Variants in POLI observed in about 807,000 individuals in gnomAD.
POLI encodes RAD30 homolog B.
A neutral mutation model predicts 51.6 loss-of-function variants in POLI; 58 were observed. That is an observed-to-expected ratio of 1.12 (90% confidence interval 0.91 to 1.40). The LOEUF (loss-of-function observed/expected upper bound fraction) is 1.40. Among genes scored for constraint, POLI ranks in the 40% most tolerant of loss-of-function variants. The pLI, the probability that POLI is intolerant of heterozygous loss-of-function variation, is 0.00. For synonymous variants in POLI, 322 were observed against 299.7 expected (o/e 1.07, Z -0.77); for missense variants, 921 against 871.3 (o/e 1.06, Z -0.72).
chr18:54,319,709 C>T (rs1234333692), intron 3 of POLI, among the ~76,000 whole-genome samples: 1 of 152,000 alleles, frequency 6.6e-6, no homozygotes, highest in South Asian at 2.1e-4. Flanking sequence ...ATCGAAGTGA[C>T]AAAATACCAT....
At chr18:54,314,664 G>C (rs2144650561) in intron 3 of POLI, among the ~76,000 whole-genome samples, 1 of 152,160 alleles carries the variant, frequency 6.6e-6, no homozygotes, top group East Asian at 1.9e-4. Flanking sequence ...TCAGTTCAGG[G>C]TTTCAGTTTC....
rs3218780 is a variant in POLI, at chr18:54,284,054, A to G, written c.1067+41A>G. ...TTTTGCCAAGTCATCCTATGTATTC[A>G]TTCTATATACGGTATGTGGAAAGAA... On this transcript the variant is annotated intron_variant, in intron 7 of 9. Transcript: ENST00000579534. 1.6e-4 allele frequency: 120 copies of G among 741,642 alleles called. No individual in the cohort carries two copies. The African/African-American group carries it at 2.0e-3, about 12-fold the overall frequency. 45.9% of individuals were successfully genotyped at this position (741,642 alleles called of 1,614,324 possible).
At position 54,295,203 on chromosome 18, in the gene POLI, A is replaced by C; in HGVS notation, c.*736A>C. Reference sequence around the variant, plus strand: ...AGAAAGGCAAGGTGATGGGCCTATAAGCATACTGGATAATGGAAGAAGTCC... The same window carrying C: ...AGAAAGGCAAGGTGATGGGCCTATACGCATACTGGATAATGGAAGAAGTCC... On this transcript the variant is annotated 3_prime_UTR_variant, in exon 10 of 10. Coordinates refer to ENST00000579534, the MANE Select transcript of POLI (RefSeq NM_007195.3). 1 of 985,448 alleles carries C rather than the reference A, an allele frequency of 1.0e-6. No individual in the cohort carries two copies. Among genetic ancestry groups the C allele is most frequent in the Non-Finnish European group, 1.2e-6 (1 of 829,938 alleles). 61.0% of individuals were successfully genotyped at this position (985,448 alleles called of 1,614,324 possible). A position where few individuals can be genotyped will look rare whatever the true frequency, so the allele number is the denominator to read the frequency against.
intron 3 of POLI, among the ~76,000 whole-genome samples, chr18:54,312,119 A>G (rs1360780161): frequency 6.6e-6 from 1 of 151,878 alleles, no homozygotes; most frequent in Admixed American, 6.6e-5. Flanking sequence ...TCTCCCTTAT[A>G]TTCCCCCCCA....
chr18:54,287,366 C>T lies in POLI; in HGVS notation c.1153C>T (p.Arg385Cys), dbSNP rs371876172. 94 of 1,603,784 alleles carry T rather than the reference C, an allele frequency of 5.9e-5. No homozygotes were observed. Among genetic ancestry groups the T allele is most frequent in the African/African-American group, 3.6e-4 (27 of 74,752 alleles). ...TGAGAAGCACTATGGTCGTGAGAGTCGTCAGTGCCCTATTCCTTCACATGT... is the reference window on the plus strand; with the variant it reads ...TGAGAAGCACTATGGTCGTGAGAGTTGTCAGTGCCCTATTCCTTCACATGT... ...SSEKHYGRES[R>C]QCPIPSHVIQ... Residue 385 changes from arginine to cysteine, a missense_variant, in exon 8 of 10, where the codon CGT becomes TGT. Physicochemically the swap from Arg to Cys is radical, Grantham distance 180. Transcript: ENST00000579534.
At chr18:54,304,772 C>T (rs1294151637) in intron 3 of POLI, among the ~76,000 whole-genome samples, 1 of 152,066 alleles carries the variant, frequency 6.6e-6, no homozygotes, top group Non-Finnish European at 1.5e-5. Context: ...TTAATTAGAT[C>T]CCATTTGTCA....
At chr18:54,316,174 C>A (rs967269972) in intron 3 of POLI, among the ~76,000 whole-genome samples, 108 of 152,132 alleles carry the variant, frequency 7.1e-4, no homozygotes, top group African/African-American at 2.5e-3. Flanking sequence ...CTTGGCTTCC[C>A]AGAAAGTTGG....
At position 54,269,557 on chromosome 18, in the gene POLI, T is replaced by TG. The variant is rs2086900546; in HGVS notation, c.16dup (p.Val6GlyfsTer37). ...GTTGGCAGCGGCGGGATGGAGAAGC[T>TG]GGGGGTGGAGCCGGAGGAGGAAGGC... On this transcript the variant is annotated frameshift_variant, in exon 1 of 10. Coordinates refer to ENST00000579534, the MANE Select transcript of POLI (RefSeq NM_007195.3). LOFTEE classifies it high-confidence loss of function. 6.6e-7 allele frequency: 1 copy of TG among 1,505,474 alleles called. No homozygotes were observed. Among genetic ancestry groups the TG allele is most frequent in the East Asian group, 2.7e-5 (1 of 36,388 alleles). The allele number at this position is 1,505,474 out of a possible 1,614,324, so 93.3% of individuals were successfully genotyped here.
In POLI at chr18:54,269,548, T is replaced by TG; in HGVS notation, c.4dup (p.Glu2?). 6.6e-7 allele frequency: 1 copy of TG among 1,506,938 alleles called. No individual in the cohort carries two copies. Among genetic ancestry groups the TG allele is most frequent in the Non-Finnish European group, 8.8e-7 (1 of 1,132,306 alleles). 93.3% of individuals were successfully genotyped at this position (1,506,938 alleles called of 1,614,324 possible). On this transcript the variant is annotated frameshift_variant and start_lost, in exon 1 of 10. Coordinates refer to ENST00000579534, the MANE Select transcript of POLI (RefSeq NM_007195.3). LOFTEE classifies it high-confidence loss of function. ...AGCGCTGCGGTTGGCAGCGGCGGGATGGAGAAGCTGGGGGTGGAGCCGGAG... is the reference window on the plus strand; with the variant it reads ...AGCGCTGCGGTTGGCAGCGGCGGGATGGGAGAAGCTGGGGGTGGAGCCGGAG...
chr18:54,309,732 C>G (rs1047673440), intron 3 of POLI, among the ~76,000 whole-genome samples: 1 of 152,162 alleles, frequency 6.6e-6, no homozygotes, highest in Non-Finnish European at 1.5e-5. Context: ...GCGGTGGGCT[C>G]CACCCAGTTT....
At chr18:54,299,772 G>A (rs2088460581), downstream of POLI, among the ~76,000 whole-genome samples, 1 of 152,124 alleles carries the variant, frequency 6.6e-6, no homozygotes, top group Non-Finnish European at 1.5e-5. Context: ...GGTCCAAAGA[G>A]CTTGGCAAAT....
chr18:54,276,374 C>A (rs1372339694), intron 3 of POLI, among the ~76,000 whole-genome samples: 1 of 152,130 alleles, frequency 6.6e-6, no homozygotes, highest in East Asian at 1.9e-4. Flanking sequence ...ACTACAGCAA[C>A]AACAAAAACC....
Position 54,295,168 on chromosome 18 carries a change from G to A in POLI, c.*701G>A, listed in dbSNP as rs1438275923. ...CTCCGTGCAAGTAAATTAAGGGAAAGATGGACACCAGAAAGGCAAGGTGAT... is the reference window on the plus strand; with the variant it reads ...CTCCGTGCAAGTAAATTAAGGGAAAAATGGACACCAGAAAGGCAAGGTGAT... On this transcript the variant is annotated 3_prime_UTR_variant, in exon 10 of 10. Transcript: ENST00000579534. 1.0e-6 allele frequency: 1 copy of A among 984,022 alleles called. No individual in the cohort carries two copies. The highest frequency in any genetic ancestry group is 1.2e-6 in the Non-Finnish European group (1 of 829,498). The allele number at this position is 984,022 out of a possible 1,614,324, so 61.0% of individuals were successfully genotyped here.
Position 54,273,908 on chromosome 18 carries a change from A to C in POLI, c.242-18A>C. 1 of 1,445,978 alleles carries C rather than the reference A, an allele frequency of 6.9e-7. No individual in the cohort carries two copies. The highest frequency in any genetic ancestry group is 9.2e-7 in the Non-Finnish European group (1 of 1,082,588). The allele number at this position is 1,445,978 out of a possible 1,614,324, so 89.6% of individuals were successfully genotyped here. A position where few individuals can be genotyped will look rare whatever the true frequency, so the allele number is the denominator to read the frequency against. The stretch of plus-strand genomic sequence containing the variant: ...TTCTTCAATTGTGCTTGGGTTTCTC[A>C]TAAAATATTTTTTACAGGGGTTCAA... On this transcript the variant is annotated intron_variant, in intron 2 of 9. Transcript: ENST00000579534.
chr18:54,293,115 A>G (rs1305328885), intron 9 of POLI, among the ~76,000 whole-genome samples: 1 of 151,986 alleles, frequency 6.6e-6, no homozygotes, highest in East Asian at 1.9e-4. Context: ...GTATAGAAAA[A>G]TTATGCAAGT....
rs545943733 is a variant in POLI at position 54,311,429 on chromosome 18, G to A, written c.334-8844G>A. ...AAATTACTATTGAATTTTAAAAAGT[G>A]GTCAGTATAGTATATTTGTGTCATA... On this transcript the variant is annotated intron_variant, in intron 3 of 4. Transcript: ENST00000579823. 1.4e-3 allele frequency among the ~76,000 whole-genome samples: 212 copies of A among 152,200 alleles called. 1 individual carries two copies. Among genetic ancestry groups the A allele is most frequent in the African/African-American group, 4.8e-3 (201 of 41,548 alleles).
At chr18:54,271,620 A>G (rs2087005691) in intron 2 of POLI, 135 bp downstream of exon 2, 2 of 578,524 alleles carry the variant, frequency 3.5e-6, no homozygotes, top group South Asian at 5.9e-5. Context: ...ATAGCTGGTC[A>G]TTTTTGCTTC....
rs144790129 is a variant in POLI, at chr18:54,276,202, C to T, written c.407-1501C>T. On this transcript the variant is annotated intron_variant, in intron 3 of 9. Coordinates refer to ENST00000579534, the MANE Select transcript of POLI (RefSeq NM_007195.3). The stretch of plus-strand genomic sequence containing the variant: ...AATATAACATAGCAAGACCCTGTCT[C>T]TACAAAAGTTAAAAAAAAAAAAAGT... 1.9e-4 allele frequency among the ~76,000 whole-genome samples: 28 copies of T among 151,210 alleles called. No homozygotes were observed. The East Asian group carries it at 5.4e-3, about 29-fold the overall frequency.
intron 5 of POLI, among the ~76,000 whole-genome samples, chr18:54,281,188 T>G (rs2144513251): frequency 6.6e-6 from 1 of 152,334 alleles, no homozygotes; most frequent in East Asian, 1.9e-4. Context: ...CATATGGTCC[T>G]TTATTTCCAG....
Sources: allele counts gnomAD v4.1 joint callset (sites outside exome capture counted in the v4.1 genomes callset), GRCh38; gene constraint gnomAD v4.1.1; transcripts MANE v1.5; gene names NCBI Gene and HGNC (gene_info 2026-07-23, HGNC 2026-07-21).